Variants in DNAH11 observed in about 807,000 individuals in gnomAD.
The protein encoded by DNAH11 is axonemal beta dynein heavy chain 11.
DNAH11 carries 442 observed loss-of-function variants against 526.0 expected under a neutral mutation model. The observed-to-expected ratio is 0.84, with a 90% CI of 0.78 to 0.91. The LOEUF (loss-of-function observed/expected upper bound fraction) is 0.91, where lower values mean the gene tolerates loss of function less well. Among genes scored for constraint, DNAH11 ranks in the 40% least tolerant of loss-of-function variants. DNAH11 has a pLI of 0.00. For missense variants in DNAH11, 6,989 were observed against 5,448.7 expected (o/e 1.28, Z -8.90); for synonymous variants, 2,461 against 1,935.9 (o/e 1.27, Z -7.12).
Position 21,800,656 on chromosome 7 carries a change from T to C in DNAH11, c.10027-481T>C, listed in dbSNP as rs574948754. 2.6e-5 allele frequency among the ~76,000 whole-genome samples: 4 copies of C among 152,136 alleles called. 1 individual carries two copies. In the South Asian group the frequency reaches 8.3e-4, roughly 32 times the overall value. ...AAAAAAATGAAAAAGAAAAATCCGA[T>C]TGGCGAAGCTGGGTCTAAAGGGCTC... On this transcript the variant is annotated intron_variant, in intron 61 of 81. Coordinates refer to ENST00000409508, the MANE Select transcript of DNAH11 (RefSeq NM_001277115.2).
rs77922406 is a variant in DNAH11, at chr7:21,625,947, G to A, written c.4500+5869G>A. On this transcript the variant is annotated intron_variant, in intron 25 of 81. Coordinates refer to ENST00000409508, the MANE Select transcript of DNAH11 (RefSeq NM_001277115.2). The stretch of plus-strand genomic sequence containing the variant: ...CATTTATGTTTTTTTATATTGATGC[G>A]TAAGAGATGTACATAATTTGGGGGT... 3.7e-3 allele frequency among the ~76,000 whole-genome samples: 559 copies of A among 152,160 alleles called. 4 individuals are homozygous for A. Among genetic ancestry groups the A allele is most frequent in the African/African-American group, 0.013 (532 of 41,528 alleles).
chr7:21,763,353 A>AAAAAAAAAAAAGAAG lies in DNAH11; in HGVS notation c.8941-2072_8941-2071insAAAAAAAAGAAGAAA, dbSNP rs66803559. Among the ~76,000 whole-genome samples the AAAAAAAAAAAAGAAG allele has an allele frequency of 4.5e-3, 256 of 56,846 alleles. 8 individuals carry two copies. The highest frequency in any genetic ancestry group is 5.5e-3 in the East Asian group (3 of 550). 37.3% of individuals were successfully genotyped at this position (56,846 alleles called of 152,430 possible). A position where few individuals can be genotyped will look rare whatever the true frequency, so the allele number is the denominator to read the frequency against. On this transcript the variant is annotated intron_variant, in intron 54 of 81. Coordinates refer to ENST00000409508, the MANE Select transcript of DNAH11 (RefSeq NM_001277115.2). ...CAAGACTGTCTCAAAAAAAAAAAAA[A>AAAAAAAAAAAAGAAG]AAAGAAAAAAAAAAAGACTTACAAA...
intron 55 of DNAH11, 62 bp from the exon 56 acceptor site, chr7:21,773,704 T>TA: frequency 8.3e-7 from 1 of 1,211,262 alleles, no homozygotes; most frequent in Non-Finnish European, 1.1e-6. Flanking sequence ...TACTTGATTT[T>TA]TTTTAAGTTG....
rs182808328 is a variant in DNAH11 at position 21,787,432 on chromosome 7, A to T, written c.9773A>T (p.Tyr3258Phe). ...GATTTTTTGCAAGCATTAATTAACTATGACAAAGAGCACATTCCAGAGAAC... is the reference window on the plus strand; with the variant it reads ...GATTTTTTGCAAGCATTAATTAACTTTGACAAAGAGCACATTCCAGAGAAC... ...VDDFLQALIN[Y>F]DKEHIPENCL... Residue 3258 changes from tyrosine (Y) to phenylalanine (F), a missense_variant, in exon 60 of 82, where the codon TAT becomes TTT. By Grantham distance (22) the Tyr-to-Phe change is conservative. Coordinates refer to ENST00000409508, the MANE Select transcript of DNAH11 (RefSeq NM_001277115.2). The T allele has an allele frequency of 1.6e-5, 25 of 1,611,036 alleles. No individual in the cohort carries two copies. The highest frequency in any genetic ancestry group is 2.7e-5 in the African/African-American group (2 of 74,824).
intron 46 of DNAH11, among the ~76,000 whole-genome samples, chr7:21,737,501 A>G (rs2906681): frequency 0.56 from 84,423 of 152,076 alleles, 23,779 homozygotes; most frequent in South Asian, 0.66. Context: ...TAGGGAAGCA[A>G]GGAACTGACA....
At position 21,683,962 on chromosome 7, in the gene DNAH11, C is replaced by A. The variant is rs796276616; in HGVS notation, c.5621+18C>A. Reference sequence around the variant, plus strand: ...ACTGACAGGTAACAATTCAAAGTTTCCGTCCAGATAGGAAAAACAACCCAA... The same window carrying A: ...ACTGACAGGTAACAATTCAAAGTTTACGTCCAGATAGGAAAAACAACCCAA... On this transcript the variant is annotated intron_variant, in intron 32 of 81. Coordinates refer to ENST00000409508, the MANE Select transcript of DNAH11 (RefSeq NM_001277115.2). 5.0e-6 allele frequency: 8 copies of A among 1,611,290 alleles called. No individual in the cohort carries two copies. In the African/African-American group the frequency reaches 9.3e-5, roughly 19 times the overall value.
intron 9 of DNAH11, among the ~76,000 whole-genome samples, 190 bp from the exon 10 acceptor site, chr7:21,587,874 A>G (rs556283326): frequency 2.7e-4 from 41 of 152,304 alleles, no homozygotes; most frequent in African/African-American, 8.4e-4. Flanking sequence ...TTTTACATCT[A>G]GAATTGGTTT....
chr7:21,723,151 C>G (rs777884365), intron 44 of DNAH11, among the ~76,000 whole-genome samples: 6 of 152,218 alleles, frequency 3.9e-5, no homozygotes, highest in African/African-American at 7.2e-5. Flanking sequence ...TAAATGTTCT[C>G]AGGATAGCCA....
intron 79 of DNAH11, among the ~76,000 whole-genome samples, chr7:21,896,375 C>T (rs980377526): frequency 1.3e-5 from 2 of 152,128 alleles, no homozygotes; most frequent in African/African-American, 4.8e-5. Context: ...TTATAGGACA[C>T]GATTATTTTT....
intron 45 of DNAH11, among the ~76,000 whole-genome samples, chr7:21,726,676 A>G (rs1284721693): frequency 6.6e-6 from 1 of 150,962 alleles, no homozygotes; most frequent in African/African-American, 2.4e-5. Context: ...CCTGGCTAAC[A>G]CGGTGAAACC....
chr7:21,667,339 A>G (rs1416244548), intron 30 of DNAH11, among the ~76,000 whole-genome samples: 1 of 152,114 alleles, frequency 6.6e-6, no homozygotes, highest in Non-Finnish European at 1.5e-5. Flanking sequence ...AGAATCAGGT[A>G]GTAATTATTT....
chr7:21,761,367 T>A (rs1369058263), intron 54 of DNAH11, among the ~76,000 whole-genome samples: 1 of 152,208 alleles, frequency 6.6e-6, no homozygotes, highest in Non-Finnish European at 1.5e-5. Context: ...CTGGTTTAGC[T>A]GATAGAATTT....
At chr7:21,726,584 A>T (rs7458776) in intron 45 of DNAH11, among the ~76,000 whole-genome samples, 1 of 151,574 alleles carries the variant, frequency 6.6e-6, no homozygotes, top group African/African-American at 2.4e-5. Context: ...AGTGATGGCC[A>T]GGCGCGGTGG....
intron 73 of DNAH11, 31 bp downstream of exon 73, chr7:21,869,022 G>T (rs747011699): frequency 6.2e-7 from 1 of 1,612,970 alleles, no homozygotes; most frequent in Non-Finnish European, 8.5e-7. Context: ...AAGACACTGG[G>T]CATAAACACA....
chr7:21,662,597 C>CT (rs979296370), intron 30 of DNAH11, among the ~76,000 whole-genome samples: 2 of 151,844 alleles, frequency 1.3e-5, no homozygotes, highest in African/African-American at 2.4e-5. Context: ...CGTTACCTCA[C>CT]TTTTTTTTGT....
intron 65 of DNAH11, among the ~76,000 whole-genome samples, chr7:21,826,830 T>C (rs748595275): frequency 4.6e-4 from 70 of 152,248 alleles, no homozygotes; most frequent in Non-Finnish European, 7.9e-4. Context: ...TTTTTGGCTA[T>C]CAATAGTGTT....
intron 68 of DNAH11, among the ~76,000 whole-genome samples, chr7:21,854,881 G>T (rs1782776699): frequency 6.6e-6 from 1 of 152,048 alleles, no homozygotes; most frequent in African/African-American, 2.4e-5. Context: ...CCAGTAAGGA[G>T]TCATGAGGAT....
chr7:21,554,507 C>T (rs1783145798), intron 2 of DNAH11, among the ~76,000 whole-genome samples: 3 of 152,052 alleles, frequency 2.0e-5, no homozygotes, highest in Non-Finnish European at 2.9e-5. Flanking sequence ...TTGGGATTGA[C>T]ATTTGGAAAT....
At position 21,622,363 on chromosome 7, in the gene DNAH11, A is replaced by C. The variant is rs1280231783; in HGVS notation, c.4500+2285A>C. 3.3e-5 allele frequency among the ~76,000 whole-genome samples: 5 copies of C among 152,252 alleles called. No individual in the cohort carries two copies. The East Asian group carries it at 7.7e-4, about 23-fold the overall frequency. On this transcript the variant is annotated intron_variant, in intron 25 of 81. Coordinates refer to ENST00000409508, the MANE Select transcript of DNAH11 (RefSeq NM_001277115.2). ...GAACGTTCCATGCTCATGGGTAAGA[A>C]GAATCAATATTGTGAAAATGGCCAT...
Sources: allele counts gnomAD v4.1 joint callset (sites outside exome capture counted in the v4.1 genomes callset), GRCh38; gene constraint gnomAD v4.1.1; transcripts MANE v1.5; gene names NCBI Gene and HGNC (gene_info 2026-07-23, HGNC 2026-07-21).